Variants in SOX5 observed in about 807,000 individuals in gnomAD.
SOX5 encodes SRY-box transcription factor 5.
In SOX5, 9 loss-of-function variants were observed where a neutral mutation model predicts 92.0. The ratio of observed to expected loss-of-function variants is 0.10; its 90% CI spans 0.06 to 0.17. The LOEUF (loss-of-function observed/expected upper bound fraction) is 0.17. SOX5 is among the 10% of genes least tolerant of loss of function. The probability of loss-of-function intolerance (pLI) is 1.00; values close to 1 mark genes in which losing one functional copy is unlikely to be tolerated. For synonymous variants in SOX5, 344 were observed against 336.3 expected, an observed-to-expected ratio of 1.02 and a Z score of -0.25; for missense variants, 642 against 944.5, an observed-to-expected ratio of 0.68 and a Z score of 4.20.
At chr12:23,756,866 T>C (rs1430041682) in intron 3 of SOX5, among the ~76,000 whole-genome samples, 1 of 151,916 alleles carries the variant, frequency 6.6e-6, no homozygotes, top group Non-Finnish European at 1.5e-5. Flanking sequence ...CTGGTTAATT[T>C]TCCCCACAGT....
At chr12:24,114,866 T>C (rs1156503390) in intron 4 of SOX5, among the ~76,000 whole-genome samples, 1 of 151,844 alleles carries the variant, frequency 6.6e-6, no homozygotes, top group African/African-American at 2.4e-5. Context: ...AGCCCTGGAG[T>C]TCAAGACTGC....
In SOX5 at chr12:23,533,080, A is replaced by ATAAT. The variant is rs1242655606; in HGVS notation, c.*1135_*1138dup. 2 of 431,106 alleles carry ATAAT rather than the reference A, an allele frequency of 4.6e-6. No individual in the cohort carries two copies. Among genetic ancestry groups the ATAAT allele is most frequent in the Admixed American group, 2.5e-5 (1 of 40,236 alleles). 26.7% of individuals were successfully genotyped at this position (431,106 alleles called of 1,614,324 possible). A position where few individuals can be genotyped will look rare whatever the true frequency, so the allele number is the denominator to read the frequency against. On this transcript the variant is annotated 3_prime_UTR_variant, in exon 15 of 15. Coordinates refer to ENST00000451604, the MANE Select transcript of SOX5 (RefSeq NM_006940.6). ...CAATAATAATCAGACATTTAAAAATATAATTTCTGAGCCCTATACTTGGTT... is the reference window on the plus strand; with the variant it reads ...CAATAATAATCAGACATTTAAAAATATAATTAATTTCTGAGCCCTATACTTGGTT...
At chr12:24,043,092 T>G (rs549319021) in intron 4 of SOX5, among the ~76,000 whole-genome samples, 1 of 152,308 alleles carries the variant, frequency 6.6e-6, no homozygotes, top group South Asian at 2.1e-4. Context: ...AGGTTCATAT[T>G]GTGTTGCAAA....
intron 4 of SOX5, among the ~76,000 whole-genome samples, chr12:24,105,299 G>C (rs1363915813): frequency 6.6e-6 from 1 of 152,170 alleles, no homozygotes; most frequent in African/African-American, 2.4e-5. Flanking sequence ...CCAGCATTTT[G>C]GGATGTCAAG....
At chr12:24,333,546 A>G (rs1044618281) in intron 2 of SOX5, among the ~76,000 whole-genome samples, 1 of 152,014 alleles carries the variant, frequency 6.6e-6, no homozygotes, top group Admixed American at 6.6e-5. Context: ...ATTTTACTAG[A>G]TGATAAAATG....
chr12:24,524,384 T>TATCTATCC lies in SOX5; in HGVS notation c.-251+37944_-251+37945insGGATAGAT, dbSNP rs1555335472. Among the ~76,000 whole-genome samples the TATCTATCC allele has an allele frequency of 2.3e-3, 287 of 125,324 alleles. 1 individual carries two copies. Among genetic ancestry groups the TATCTATCC allele is most frequent in the African/African-American group, 7.3e-3 (267 of 36,590 alleles). The allele number at this position is 125,324 out of a possible 152,430, so 82.2% of individuals were successfully genotyped here. A position where few individuals can be genotyped will look rare whatever the true frequency, so the allele number is the denominator to read the frequency against. On this transcript the variant is annotated intron_variant, in intron 1 of 4. Transcript: ENST00000446891. ...CTATCTATCTATCTATCTATCTATC[T>TATCTATCC]ATCCATCCATCCATCCATCCTTCTA...
At chr12:23,792,622 C>CAAAAAAAAAAAAAAAAAAAAAA (rs749845598) in intron 3 of SOX5, among the ~76,000 whole-genome samples, 1 of 38,964 alleles carries the variant, frequency 2.6e-5, no homozygotes. Flanking sequence ...GGCTCTGTCT[C>CAAAAAAAAAAAAAAAAAAAAAA]AAAAAAAAAA....
chr12:23,945,902 T>C (rs1327598392), intron 1 of SOX5, among the ~76,000 whole-genome samples: 1 of 152,146 alleles, frequency 6.6e-6, no homozygotes, highest in Non-Finnish European at 1.5e-5. Flanking sequence ...TTCATGACTA[T>C]GGTCAAACTT....
chr12:24,301,172 C>T (rs762521918), intron 2 of SOX5, among the ~76,000 whole-genome samples: 1 of 152,126 alleles, frequency 6.6e-6, no homozygotes, highest in Non-Finnish European at 1.5e-5. Flanking sequence ...TACATAAAGT[C>T]GCTGTTGATC....
At chr12:23,856,063 G>A (rs956674160) in intron 2 of SOX5, among the ~76,000 whole-genome samples, 7 of 152,044 alleles carry the variant, frequency 4.6e-5, no homozygotes, top group Admixed American at 3.9e-4. Context: ...AAAAGTAATG[G>A]TGAGGTATTA....
chr12:24,108,244 C>T (rs1211889339), intron 4 of SOX5, among the ~76,000 whole-genome samples: 2 of 152,206 alleles, frequency 1.3e-5, no homozygotes, highest in East Asian at 1.9e-4. Flanking sequence ...CATTTTTATT[C>T]TGCAGAAATC....
At chr12:24,261,535 T>C (rs1746189549) in intron 3 of SOX5, among the ~76,000 whole-genome samples, 1 of 152,152 alleles carries the variant, frequency 6.6e-6, no homozygotes, top group African/African-American at 2.4e-5. Context: ...GAAAAATCTT[T>C]GAGGCCATAA....
intron 2 of SOX5, among the ~76,000 whole-genome samples, chr12:24,355,393 C>T (rs375174948): frequency 1.9e-4 from 28 of 146,362 alleles, no homozygotes; most frequent in African/African-American, 2.6e-4. Context: ...CTGTAAGCTC[C>T]GCCTCCCAGG....
chr12:23,767,822 C>CAT (rs5797038), intron 3 of SOX5, among the ~76,000 whole-genome samples: 4 of 150,430 alleles, frequency 2.7e-5, no homozygotes, highest in African/African-American at 9.7e-5. Flanking sequence ...TATCTTCACT[C>CAT]ATATATATAT....
chr12:23,921,386 A>G (rs1466988878), intron 1 of SOX5, among the ~76,000 whole-genome samples: 3 of 152,120 alleles, frequency 2.0e-5, no homozygotes, highest in African/African-American at 7.2e-5. Flanking sequence ...GATCTTTAAA[A>G]AAAAAAAAAA....
intron 2 of SOX5, among the ~76,000 whole-genome samples, chr12:24,313,958 T>A (rs1454731482): frequency 8.5e-6 from 1 of 116,968 alleles, no homozygotes; most frequent in Non-Finnish European, 2.0e-5. Context: ...CCTCAAATCA[T>A]CTTTGATTCT....
chr12:24,206,453 C>G lies in SOX5; in HGVS notation c.-2+6890G>C, dbSNP rs577463326. ...AGCCAGAACTCTGCTGTGCATTTGACTATGTTATCAACACTTTACTTGCTA... is the reference window on the plus strand; with the variant it reads ...AGCCAGAACTCTGCTGTGCATTTGAGTATGTTATCAACACTTTACTTGCTA... On this transcript the variant is annotated intron_variant, in intron 4 of 4. Coordinates refer to the SOX5 transcript ENST00000446891. 2.6e-5 allele frequency among the ~76,000 whole-genome samples: 4 copies of G among 152,280 alleles called. No individual in the cohort carries two copies. The East Asian group carries it at 7.7e-4, about 29-fold the overall frequency.
chr12:23,906,321 T>G (rs1277120695), intron 1 of SOX5, among the ~76,000 whole-genome samples: 1 of 152,254 alleles, frequency 6.6e-6, no homozygotes, highest in East Asian at 1.9e-4. Flanking sequence ...TTAGAGAATG[T>G]ATACTTTTTA....
At chr12:24,539,122 A>C (rs558888274) in intron 1 of SOX5, among the ~76,000 whole-genome samples, 211 of 152,282 alleles carry the variant, frequency 1.4e-3, no homozygotes, top group African/African-American at 4.5e-3. Context: ...AAACTTTACA[A>C]AAACAAATTA....
Sources: allele counts gnomAD v4.1 joint callset (sites outside exome capture counted in the v4.1 genomes callset), GRCh38; gene constraint gnomAD v4.1.1; transcripts MANE v1.5; gene names NCBI Gene and HGNC (gene_info 2026-07-23, HGNC 2026-07-21).